MRTFA: variants seen among roughly 807,000 people sequenced by gnomAD.
The protein encoded by MRTFA is myocardin-related transcription factor A.
Under a neutral mutation model 83.5 loss-of-function variants are expected in MRTFA, and 20 were observed. That is an observed-to-expected ratio of 0.24 (90% CI 0.17 to 0.35). The LOEUF is 0.35. MRTFA is among the 10% of genes least tolerant of loss of function. The probability of loss-of-function intolerance (pLI) is 1.00; values close to 1 mark genes in which losing one functional copy is unlikely to be tolerated. For synonymous variants in MRTFA, 659 were observed against 541.2 expected (o/e 1.22, Z -3.02); for missense variants, 1,200 against 1,224.7 (o/e 0.98, Z 0.30).
At chr22:40,570,852 T>C (rs2055780146) in intron 2 of MRTFA, among the ~76,000 whole-genome samples, 1 of 151,258 alleles carries the variant, frequency 6.6e-6, no homozygotes, top group Non-Finnish European at 1.5e-5. Context: ...AAAGCCAGTG[T>C]TATTTTACTT....
intron 2 of MRTFA, among the ~76,000 whole-genome samples, chr22:40,575,842 TAAC>T (rs997348911): frequency 2.0e-5 from 3 of 152,168 alleles, no homozygotes; most frequent in Admixed American, 1.3e-4. Context: ...CCGATGAGTA[TAAC>T]AACAACTCTC....
At chr22:40,589,527 G>A (rs902993712) in intron 2 of MRTFA, among the ~76,000 whole-genome samples, 1 of 152,176 alleles carries the variant, frequency 6.6e-6, no homozygotes, top group Non-Finnish European at 1.5e-5. Context: ...AGGGATACAT[G>A]AGAAGACTGG....
chr22:40,596,486 C>T (rs1344564776), intron 1 of MRTFA, among the ~76,000 whole-genome samples: 1 of 152,092 alleles, frequency 6.6e-6, no homozygotes, highest in African/African-American at 2.4e-5. Context: ...TCAAGACCAG[C>T]CTGGCCCCAT....
intron 4 of MRTFA, among the ~76,000 whole-genome samples, chr22:40,436,036 A>G (rs983930060): frequency 2.0e-5 from 3 of 152,120 alleles, no homozygotes; most frequent in African/African-American, 7.2e-5. Context: ...TTTATGGTTT[A>G]GCTACCCCAT....
intron 3 of MRTFA, among the ~76,000 whole-genome samples, chr22:40,494,841 G>GA (rs2054325101): frequency 6.6e-6 from 1 of 152,140 alleles, no homozygotes; most frequent in South Asian, 2.1e-4. Flanking sequence ...ACAACAGGCA[G>GA]AAATCAGATC....
At chr22:40,440,304 C>G (rs2053251470) in intron 4 of MRTFA, among the ~76,000 whole-genome samples, 1 of 152,198 alleles carries the variant, frequency 6.6e-6, no homozygotes, top group Non-Finnish European at 1.5e-5. Flanking sequence ...GAAACTGACA[C>G]TGGCTGAGAT....
intron 2 of MRTFA, chr22:40,586,884 AGTGCTGCTG>A (rs71328719): frequency 0.29 from 122,997 of 417,638 alleles, 19,795 homozygotes; most frequent in East Asian, 0.62. Context: ...TTTGGCCTCT[AGTGCTGCTG>A]GTGCTGCTGG....
intron 4 of MRTFA, among the ~76,000 whole-genome samples, chr22:40,438,871 T>G (rs576214159): frequency 7.9e-5 from 12 of 152,306 alleles, no homozygotes; most frequent in African/African-American, 2.9e-4. Flanking sequence ...AAGGAAGGAT[T>G]ACTCTATATG....
rs568030417 is a variant in MRTFA at position 40,591,294 on chromosome 22, TAAC to T, written c.-22+3377_-22+3379del. On this transcript the variant is annotated intron_variant, in intron 2 of 14. Transcript: ENST00000355630. Reference sequence around the variant, plus strand: ...TCCGTCTCAAAAAAAAAAAAAAAGATAACAACTTTCAAAGAAAAAAATAACTTT... The same window carrying T: ...TCCGTCTCAAAAAAAAAAAAAAAGATAACTTTCAAAGAAAAAAATAACTTT... Among the ~76,000 whole-genome samples the T allele has an allele frequency of 5.6e-3, 838 of 150,050 alleles. 3 individuals are homozygous for T. Among genetic ancestry groups the T allele is most frequent in the Non-Finnish European group, 9.5e-3 (641 of 67,530 alleles).
At chr22:40,635,047 G>A (rs1274010893) in intron 1 of MRTFA, among the ~76,000 whole-genome samples, 1 of 152,046 alleles carries the variant, frequency 6.6e-6, no homozygotes, top group Admixed American at 6.5e-5. Context: ...TTCTTTGCAG[G>A]TGTTTTTAAA....
chr22:40,462,012 C>T (rs895036077), intron 4 of MRTFA, among the ~76,000 whole-genome samples: 4 of 152,206 alleles, frequency 2.6e-5, no homozygotes, highest in African/African-American at 9.6e-5. Flanking sequence ...TCTGAGCCCT[C>T]TTCCTGCTTT....
intron 2 of MRTFA, among the ~76,000 whole-genome samples, chr22:40,581,117 C>T (rs57705902): frequency 0.089 from 13,540 of 152,030 alleles, 783 homozygotes; most frequent in East Asian, 0.25. Flanking sequence ...AAGCCACTTG[C>T]TTTCTTTTTT....
intron 3 of MRTFA, among the ~76,000 whole-genome samples, chr22:40,536,353 T>G (rs2055174049): frequency 6.7e-6 from 1 of 149,904 alleles, no homozygotes. Context: ...GCCGGGAGGA[T>G]GGAGTTCAGC....
chr22:40,413,675 C>T (rs1484705970), intron 14 of MRTFA, among the ~76,000 whole-genome samples: 2 of 152,152 alleles, frequency 1.3e-5, no homozygotes, highest in African/African-American at 4.8e-5. Flanking sequence ...GATCTCCTGA[C>T]CTCGTGATTT....
chr22:40,498,798 G>C (rs2054406385), intron 3 of MRTFA, among the ~76,000 whole-genome samples: 1 of 152,144 alleles, frequency 6.6e-6, no homozygotes, highest in Admixed American at 6.5e-5. Flanking sequence ...CTTGAAATCA[G>C]ACAGACCTTT....
intron 3 of MRTFA, among the ~76,000 whole-genome samples, chr22:40,502,527 G>A (rs1310610591): frequency 7.0e-6 from 1 of 142,940 alleles, no homozygotes; most frequent in Non-Finnish European, 1.5e-5. Flanking sequence ...TCACTTCCTA[G>A]ATGGGATGGC....
chr22:40,523,939 T>G (rs1271712966), intron 3 of MRTFA, among the ~76,000 whole-genome samples: 1 of 152,186 alleles, frequency 6.6e-6, no homozygotes, highest in Non-Finnish European at 1.5e-5. Context: ...AAATCAAGTT[T>G]AATTAATATT....
At position 40,520,129 on chromosome 22, in the gene MRTFA, C is replaced by T. The variant is rs185357830; in HGVS notation, c.241+31977G>A. 2.0e-5 allele frequency among the ~76,000 whole-genome samples: 3 copies of T among 152,330 alleles called. No individual in the cohort carries two copies. The East Asian group carries it at 5.8e-4, about 29-fold the overall frequency. Reference sequence around the variant, plus strand: ...TTCCACTTCCAGCCCCAGGCAATCACTGATCTGCTGTCACTCTAGAGAAAC... The same window carrying T: ...TTCCACTTCCAGCCCCAGGCAATCATTGATCTGCTGTCACTCTAGAGAAAC... On this transcript the variant is annotated intron_variant, in intron 3 of 14. Transcript: ENST00000355630.
intron 3 of MRTFA, among the ~76,000 whole-genome samples, chr22:40,536,608 TG>T (rs1242726703): frequency 2.4e-5 from 2 of 82,818 alleles, no homozygotes; most frequent in African/African-American, 9.7e-5. Context: ...CTGCCCAGTC[TG>T]GAAAGTGAGG....
Sources: allele counts gnomAD v4.1 joint callset (sites outside exome capture counted in the v4.1 genomes callset), GRCh38; gene constraint gnomAD v4.1.1; transcripts MANE v1.5; gene names NCBI Gene and HGNC (gene_info 2026-07-23, HGNC 2026-07-21).